COL24A1: variants seen among roughly 807,000 people sequenced by gnomAD.
The protein encoded by COL24A1 is collagen type XXIV alpha 1 chain.
COL24A1 carries 224 observed loss-of-function variants against 253.9 expected under a neutral mutation model. The observed-to-expected ratio is 0.88, with a 90% CI of 0.79 to 0.99. The LOEUF (loss-of-function observed/expected upper bound fraction) is 0.99, where lower values mean the gene tolerates loss of function less well. COL24A1 is among the 50% of genes least tolerant of loss of function. COL24A1 has a pLI of 0.00. For synonymous variants in COL24A1, 685 were observed against 673.7 expected, an observed-to-expected ratio of 1.02 and a Z score of -0.26; for missense variants, 2,131 against 2,068.5, an observed-to-expected ratio of 1.03 and a Z score of -0.59.
At chr1:85,800,454 A>G (rs1193761983) in intron 47 of COL24A1, among the ~76,000 whole-genome samples, 2 of 152,226 alleles carry the variant, frequency 1.3e-5, no homozygotes, top group Non-Finnish European at 2.9e-5. Context: ...AGATCTGCAT[A>G]TTAGTCAGAG....
intron 55 of COL24A1, among the ~76,000 whole-genome samples, chr1:85,754,205 C>A (rs1665927653): frequency 1.8e-4 from 1 of 5,474 alleles, no homozygotes; most frequent in African/African-American, 5.0e-4. Flanking sequence ...TACTATGCAG[C>A]CATAAAAAAT....
chr1:86,107,845 T>C (rs1557652884), intron 5 of COL24A1, among the ~76,000 whole-genome samples: 1 of 152,166 alleles, frequency 6.6e-6, no homozygotes, highest in Non-Finnish European at 1.5e-5. Flanking sequence ...TCCACAAATA[T>C]ATGCAGTTAA....
intron 8 of COL24A1, among the ~76,000 whole-genome samples, chr1:86,062,613 C>G (rs1701173607): frequency 6.6e-6 from 1 of 152,118 alleles, no homozygotes; most frequent in African/African-American, 2.4e-5. Context: ...CAGGTTTCCT[C>G]CATTGGAATC....
intron 8 of COL24A1, among the ~76,000 whole-genome samples, chr1:86,060,312 T>C (rs1211557136): frequency 6.6e-6 from 1 of 152,146 alleles, no homozygotes; most frequent in East Asian, 1.9e-4. Flanking sequence ...AGAAAGTGTG[T>C]TGAGCTGATG....
intron 7 of COL24A1, among the ~76,000 whole-genome samples, chr1:86,079,846 T>C (rs1328378884): frequency 6.6e-6 from 1 of 152,122 alleles, no homozygotes; most frequent in Non-Finnish European, 1.5e-5. Flanking sequence ...ACAACCATTA[T>C]GGAAAACAGT....
rs1379178988 is a variant in COL24A1, at chr1:85,730,466, G to A, written c.*80C>T. The A allele has an allele frequency of 5.6e-6, 8 of 1,439,586 alleles. No homozygotes were observed. In the Admixed American group the frequency reaches 1.1e-4, roughly 20 times the overall value. The allele number at this position is 1,439,586 out of a possible 1,614,324, so 89.2% of individuals were successfully genotyped here. On this transcript the variant is annotated 3_prime_UTR_variant, in exon 60 of 60. Transcript: ENST00000370571. Reference sequence around the variant, plus strand: ...TGCTTTATTACATGCATTTCATAATGACTGTATCTGTCTGTCTTATTTCTC... The same window carrying A: ...TGCTTTATTACATGCATTTCATAATAACTGTATCTGTCTGTCTTATTTCTC...
intron 17 of COL24A1, 109 bp downstream of exon 17, chr1:86,022,429 C>A: frequency 7.6e-7 from 1 of 1,324,242 alleles, no homozygotes; most frequent in South Asian, 1.3e-5. Context: ...AACTTAAAAC[C>A]ATATTGATAC....
chr1:85,820,647 A>T (rs1245988872), intron 45 of COL24A1, among the ~76,000 whole-genome samples: 1 of 152,236 alleles, frequency 6.6e-6, no homozygotes, highest in East Asian at 1.9e-4. Flanking sequence ...ATTTGAAAAG[A>T]GTGAGTGGGG....
intron 20 of COL24A1, among the ~76,000 whole-genome samples, chr1:85,974,200 A>G (rs1184152215): frequency 6.6e-6 from 1 of 152,130 alleles, no homozygotes; most frequent in Non-Finnish European, 1.5e-5. Flanking sequence ...GAACAGAGAA[A>G]ACTTAAACAC....
At chr1:85,830,737 C>T (rs973229449) in intron 43 of COL24A1, among the ~76,000 whole-genome samples, 8 of 152,168 alleles carry the variant, frequency 5.3e-5, no homozygotes, top group Non-Finnish European at 2.9e-5. Context: ...ACTCCCTGAC[C>T]CCTTGCGCTT....
intron 19 of COL24A1, among the ~76,000 whole-genome samples, chr1:85,999,257 T>A (rs1453817713): frequency 6.6e-6 from 1 of 152,040 alleles, no homozygotes; most frequent in African/African-American, 2.4e-5. Flanking sequence ...TACAGGGAAA[T>A]AAGTTCAAAG....
At chr1:86,043,641 C>T (rs1379844885) in intron 12 of COL24A1, among the ~76,000 whole-genome samples, 1 of 152,122 alleles carries the variant, frequency 6.6e-6, no homozygotes, top group African/African-American at 2.4e-5. Flanking sequence ...GATTCTCCTG[C>T]CTCAGTCTCC....
intron 29 of COL24A1, 142 bp from the exon 30 acceptor site, chr1:85,896,207 G>T (rs1021952097): frequency 1.7e-6 from 2 of 1,168,210 alleles, no homozygotes; most frequent in Non-Finnish European, 1.2e-6. Context: ...CTCTGCCTGT[G>T]TAGTAAAAAC....
intron 55 of COL24A1, among the ~76,000 whole-genome samples, chr1:85,759,605 G>A (rs1666634062): frequency 6.6e-6 from 1 of 152,166 alleles, no homozygotes; most frequent in East Asian, 1.9e-4. Context: ...GAGGAAAAGG[G>A]AGAAAAGAAG....
At chr1:85,845,761 A>G (rs1677085928) in intron 39 of COL24A1, among the ~76,000 whole-genome samples, 1 of 151,916 alleles carries the variant, frequency 6.6e-6, no homozygotes, top group African/African-American at 2.4e-5. Context: ...AAAACAAAAA[A>G]ACAAAAATAC....
At chr1:85,838,150 T>C (rs1015569639) in intron 43 of COL24A1, among the ~76,000 whole-genome samples, 3 of 151,024 alleles carry the variant, frequency 2.0e-5, no homozygotes, top group Non-Finnish European at 4.4e-5. Flanking sequence ...TTCTAGAAAT[T>C]GGGGGTATAA....
Position 85,818,069 on chromosome 1 carries a change from CT to C in COL24A1, c.3807del (p.Gly1270GlufsTer68), listed in dbSNP as rs751232308. ...ERGSEGNKGK[K>X]GAPGPSGKPG... ...GGTTTCCCAGAAGGACCAGGAGCTCCTTTTTTCCCCTTATTACCCTAAAGAT... is the reference window on the plus strand; with the variant it reads ...GGTTTCCCAGAAGGACCAGGAGCTCCTTTTTCCCCTTATTACCCTAAAGAT... On this transcript the variant is annotated frameshift_variant, in exon 46 of 60. Transcript: ENST00000370571. LOFTEE classifies it high-confidence loss of function. 6.2e-7 allele frequency: 1 copy of C among 1,613,502 alleles called. No individual in the cohort carries two copies. The highest frequency in any genetic ancestry group is 8.5e-7 in the Non-Finnish European group (1 of 1,179,500).
At chr1:85,788,634 T>C (rs1023848060) in intron 47 of COL24A1, among the ~76,000 whole-genome samples, 2 of 152,248 alleles carry the variant, frequency 1.3e-5, no homozygotes, top group African/African-American at 2.4e-5. Context: ...ATGAAGTCTT[T>C]GCCCAGCCTA....
chr1:85,940,766 C>T (rs556467247), intron 24 of COL24A1, among the ~76,000 whole-genome samples: 109 of 152,214 alleles, frequency 7.2e-4, no homozygotes, highest in Non-Finnish European at 1.2e-3. Flanking sequence ...AATAAAAGTT[C>T]AGAACAAAGT....
Sources: gnomAD v4.1 joint callset for allele counts (sites outside exome capture counted in the v4.1 genomes callset) on GRCh38, gnomAD v4.1.1 for gene constraint, MANE v1.5 for transcripts, NCBI Gene and HGNC (gene_info 2026-07-23, HGNC 2026-07-21) for gene names.